NAA15: variants seen among roughly 807,000 people sequenced by gnomAD.
The protein encoded by NAA15 is N-terminal acetyltransferase.
A neutral mutation model predicts 114.0 loss-of-function variants in NAA15; 34 were observed. That is an observed-to-expected ratio of 0.30 (90% confidence interval 0.23 to 0.40). NAA15 has a LOEUF of 0.40. Ranked by LOEUF, NAA15 falls within the 10% of genes least tolerant of loss-of-function variation. NAA15 has a pLI of 1.00. For missense variants in NAA15, 658 were observed against 1,004.5 expected (o/e 0.66, Z 4.66); for synonymous variants, 340 against 338.0 (o/e 1.01, Z -0.06).
At chr4:139,324,653 C>T (rs1027972444) in intron 1 of NAA15, among the ~76,000 whole-genome samples, 16 of 152,250 alleles carry the variant, frequency 1.1e-4, no homozygotes, top group African/African-American at 3.6e-4. Flanking sequence ...AGTTTAGGGC[C>T]GGGCGCAGTG....
chr4:139,311,802 A>G (rs558471912), intron 1 of NAA15, among the ~76,000 whole-genome samples: 1 of 152,000 alleles, frequency 6.6e-6, no homozygotes, highest in South Asian at 2.1e-4. Context: ...AATTTAAAAT[A>G]TAAAATGTTA....
At chr4:139,376,552 T>G in intron 16 of NAA15, 79 bp downstream of exon 16, 1 of 855,110 alleles carries the variant, frequency 1.2e-6, no homozygotes, top group Non-Finnish European at 2.0e-6. Context: ...TCTGATAGCC[T>G]TACCACTGTA....
intron 6 of NAA15, among the ~76,000 whole-genome samples, chr4:139,347,537 C>A (rs185718130): frequency 1.3e-5 from 2 of 152,254 alleles, no homozygotes; most frequent in Admixed American, 6.5e-5. Flanking sequence ...ATTCAGGAGG[C>A]TGCCGTAGGT....
chr4:139,372,185 G>A (rs1748462101), intron 15 of NAA15, among the ~76,000 whole-genome samples: 1 of 152,182 alleles, frequency 6.6e-6, no homozygotes, highest in African/African-American at 2.4e-5. Flanking sequence ...CAAAGTGCTG[G>A]GATTACAGGC....
intron 1 of NAA15, among the ~76,000 whole-genome samples, chr4:139,308,270 A>G (rs899683506): frequency 6.6e-6 from 1 of 152,080 alleles, no homozygotes; most frequent in Non-Finnish European, 1.5e-5. Flanking sequence ...CCATTGTATA[A>G]TAGGTAAATT....
intron 1 of NAA15, among the ~76,000 whole-genome samples, chr4:139,330,485 C>T (rs1746965480): frequency 6.6e-6 from 1 of 152,196 alleles, no homozygotes; most frequent in Admixed American, 6.5e-5. Context: ...AGAAAATATT[C>T]AACCAGTTAG....
intron 1 of NAA15, among the ~76,000 whole-genome samples, chr4:139,322,715 GGA>G (rs1387422343): frequency 6.6e-6 from 1 of 152,020 alleles, no homozygotes; most frequent in Non-Finnish European, 1.5e-5. Flanking sequence ...TTTTTGAGAC[GGA>G]GTCTTGCTCT....
At chr4:139,350,969 A>T (rs1747761274) in intron 7 of NAA15, among the ~76,000 whole-genome samples, 1 of 152,206 alleles carries the variant, frequency 6.6e-6, no homozygotes, top group Non-Finnish European at 1.5e-5. Flanking sequence ...TTAAAAGCCT[A>T]CCTAAAGCAG....
At position 139,365,678 on chromosome 4, in the gene NAA15, C is replaced by T. The variant is rs1035961863; in HGVS notation, c.1753+3741C>T. On this transcript the variant is annotated intron_variant, in intron 14 of 19. Transcript: ENST00000296543. ...CATGGTGAAACTGTCTCTACAAATACAAAAAAAACCCCAACCAACCAAACA... is the reference window on the plus strand; with the variant it reads ...CATGGTGAAACTGTCTCTACAAATATAAAAAAAACCCCAACCAACCAAACA... 2.6e-5 allele frequency among the ~76,000 whole-genome samples: 4 copies of T among 151,112 alleles called. 1 individual carries two copies. In the East Asian group the frequency reaches 7.8e-4, roughly 29 times the overall value.
intron 7 of NAA15, among the ~76,000 whole-genome samples, 179 bp from the exon 8 acceptor site, chr4:139,351,012 A>C (rs1747762509): frequency 1.3e-5 from 2 of 152,142 alleles, no homozygotes; most frequent in South Asian, 4.1e-4. Context: ...ACTTAAGATA[A>C]AAAAAATTGA....
chr4:139,327,605 G>A (rs997556962), intron 1 of NAA15, among the ~76,000 whole-genome samples: 7 of 152,098 alleles, frequency 4.6e-5, no homozygotes, highest in Non-Finnish European at 7.4e-5. Flanking sequence ...GTGAATATAC[G>A]TTTCTGTGTG....
chr4:139,322,919 GA>G (rs1481453720), intron 1 of NAA15, among the ~76,000 whole-genome samples: 2 of 152,034 alleles, frequency 1.3e-5, no homozygotes, highest in Non-Finnish European at 2.9e-5. Flanking sequence ...TCGAACTCCT[GA>G]CCTCAAGTGA....
chr4:139,314,980 G>A (rs1746333594), intron 1 of NAA15, among the ~76,000 whole-genome samples: 1 of 150,754 alleles, frequency 6.6e-6, no homozygotes, highest in African/African-American at 2.5e-5. Context: ...CCGGCCTAGA[G>A]AAGCGTTCAG....
chr4:139,319,936 T>C (rs1420626628), intron 1 of NAA15, among the ~76,000 whole-genome samples: 1 of 152,248 alleles, frequency 6.6e-6, no homozygotes, highest in Non-Finnish European at 1.5e-5. Context: ...TATTGCACAC[T>C]GCTACTTTCC....
Position 139,312,924 on chromosome 4 carries a change from G to A in NAA15, c.54+11093G>A, listed in dbSNP as rs180795001. On this transcript the variant is annotated intron_variant, in intron 1 of 19. Transcript: ENST00000296543. ...CAGGTTGATGTTTTTGTTATCTGAT[G>A]GGCTCTACTGCACTTTCTTTGGTTA... Among the ~76,000 whole-genome samples, 84 of 151,902 alleles carry A rather than the reference G, an allele frequency of 5.5e-4. 1 individual carries two copies. The highest frequency in any genetic ancestry group is 1.6e-3 in the African/African-American group (68 of 41,388).
At chr4:139,344,448 G>T in intron 6 of NAA15, 109 bp downstream of exon 6, 1 of 833,502 alleles carries the variant, frequency 1.2e-6, no homozygotes, top group African/African-American at 1.7e-5. Flanking sequence ...TTTGATGATA[G>T]GAAATCTATT....
intron 14 of NAA15, among the ~76,000 whole-genome samples, chr4:139,365,247 G>A (rs1190712321): frequency 1.3e-5 from 2 of 151,844 alleles, no homozygotes; most frequent in African/African-American, 2.4e-5. Flanking sequence ...CATGTTGGTC[G>A]GGCTGGTCTC....
At chr4:139,370,505 T>G in intron 15 of NAA15, 101 bp downstream of exon 15, 1 of 1,139,920 alleles carries the variant, frequency 8.8e-7, no homozygotes, top group African/African-American at 1.6e-5. Flanking sequence ...TTATGTGATA[T>G]AGGTTTTAGA....
intron 14 of NAA15, among the ~76,000 whole-genome samples, chr4:139,367,797 T>C (rs1168317097): frequency 1.3e-5 from 2 of 152,208 alleles, no homozygotes; most frequent in Non-Finnish European, 2.9e-5. Context: ...CTCTTTTCTT[T>C]AGTTTCTTTG....
Sources: allele counts gnomAD v4.1 joint callset (sites outside exome capture counted in the v4.1 genomes callset), GRCh38; gene constraint gnomAD v4.1.1; transcripts MANE v1.5; gene names NCBI Gene and HGNC (gene_info 2026-07-23, HGNC 2026-07-21).